ARHGAP6: variants seen among roughly 807,000 people sequenced by gnomAD.
ARHGAP6 encodes the protein Rho GTPase activating protein 6, also known as rho GTPase-activating protein 6.
A neutral mutation model predicts 55.7 loss-of-function variants in ARHGAP6; 16 were observed. The observed-to-expected ratio is 0.29, with a 90% CI of 0.19 to 0.44. The LOEUF (loss-of-function observed/expected upper bound fraction) is 0.44, where lower values mean the gene tolerates loss of function less well. ARHGAP6 is among the 20% of genes least tolerant of loss of function. ARHGAP6 has a pLI of 1.00. For synonymous variants in ARHGAP6, 382 were observed against 360.9 expected (o/e 1.06, Z -0.66); for missense variants, 698 against 808.9 (o/e 0.86, Z 1.66).
intron 1 of ARHGAP6, among the ~76,000 whole-genome samples, chrX:11,574,376 C>T (rs1425129004): frequency 1.8e-5 from 2 of 109,055 alleles, no homozygotes; most frequent in East Asian, 2.9e-4. Flanking sequence ...GCTTATCCAC[C>T]ATGATCAAGT....
chrX:11,498,393 C>T (rs1357438559), intron 1 of ARHGAP6, among the ~76,000 whole-genome samples: 3 of 112,000 alleles, frequency 2.7e-5, no homozygotes, highest in Non-Finnish European at 3.8e-5. Flanking sequence ...CTTTCACTTT[C>T]GTTAACTCCA....
chrX:11,448,262 T>C (rs142790449), intron 1 of ARHGAP6, among the ~76,000 whole-genome samples: 158 of 112,366 alleles, frequency 1.4e-3, no homozygotes, highest in Middle Eastern at 4.6e-3. Flanking sequence ...TCTTGACTTT[T>C]GTGCCTTCCT....
chrX:11,565,296 A>T (rs969302155), intron 1 of ARHGAP6, among the ~76,000 whole-genome samples: 2 of 112,260 alleles, frequency 1.8e-5, no homozygotes, highest in Non-Finnish European at 3.8e-5. Context: ...TGGAGGAACA[A>T]CATCCTCTTC....
At chrX:11,153,461 A>G (rs192065474) in intron 10 of ARHGAP6, among the ~76,000 whole-genome samples, 1,137 of 91,860 alleles carry the variant, frequency 0.012, 19 homozygotes, top group African/African-American at 0.044. Flanking sequence ...GGAGGTGGGG[A>G]TTGCAGTGAG....
intron 2 of ARHGAP6, among the ~76,000 whole-genome samples, chrX:11,223,715 A>G (rs73184322): frequency 0.058 from 6,503 of 111,660 alleles, 212 homozygotes; most frequent in Non-Finnish European, 0.094. Flanking sequence ...AAGTGGAGAG[A>G]GAGTTAAGTG....
In ARHGAP6 at chrX:11,664,590, G is replaced by C. The variant is rs771904554; in HGVS notation, c.239C>G (p.Ala80Gly). ...GGGGGGCGGACCCCGGGAAGAGGACGCCAAGCGAGGGCCGAGACTCTCGGC... is the reference window on the plus strand; with the variant it reads ...GGGGGGCGGACCCCGGGAAGAGGACCCCAAGCGAGGGCCGAGACTCTCGGC... ...LPAESLGPRL[A>G]SSSRGPPPRA... The change falls in exon 1 of 13, where the codon GCG becomes GGG. Residue 80 changes from alanine to glycine, a missense_variant. Ala to Gly is a moderately conservative substitution (Grantham distance 60). This residue lies in a region of ARHGAP6 where 164 missense variants were observed against 149.2 expected (regional missense o/e 1.10). Transcript: ENST00000337414. The C allele has an allele frequency of 1.7e-6, 2 of 1,176,576 alleles. No individual in the cohort carries two copies. The highest frequency in any genetic ancestry group is 3.5e-5 in the African/African-American group (2 of 56,812).
chrX:11,551,489 G>A (rs1360897602), intron 1 of ARHGAP6, among the ~76,000 whole-genome samples: 4 of 111,369 alleles, frequency 3.6e-5, no homozygotes, highest in African/African-American at 9.8e-5. Context: ...GAACACTTTT[G>A]TTGGTTTTAC....
chrX:11,307,765 G>A (rs1418420520), intron 1 of ARHGAP6, among the ~76,000 whole-genome samples: 2 of 112,017 alleles, frequency 1.8e-5, no homozygotes, highest in Non-Finnish European at 3.8e-5. Flanking sequence ...GGGATTTACT[G>A]CTTTTGTGGC....
chrX:11,507,819 T>C (rs1351555437), intron 1 of ARHGAP6, among the ~76,000 whole-genome samples: 2 of 112,135 alleles, frequency 1.8e-5, no homozygotes, highest in East Asian at 5.6e-4. Context: ...GACAAAATCC[T>C]AAAGCCCTTA....
chrX:11,510,612 T>A lies in ARHGAP6; in HGVS notation c.588+153629A>T, dbSNP rs147749109. Among the ~76,000 whole-genome samples the A allele has an allele frequency of 3.6e-3, 399 of 111,254 alleles. 2 individuals carry two copies. The highest frequency in any genetic ancestry group is 0.013 in the African/African-American group (385 of 30,632). Reference sequence around the variant, plus strand: ...TGGTAAGAATCCAAGGTCACATGGATCTAGAACCTGAATCAGAGTAAAAAA... The same window carrying A: ...TGGTAAGAATCCAAGGTCACATGGAACTAGAACCTGAATCAGAGTAAAAAA... On this transcript the variant is annotated intron_variant, in intron 1 of 12. Coordinates refer to ENST00000337414, the MANE Select transcript of ARHGAP6 (RefSeq NM_013427.3).
At chrX:11,514,517 C>A (rs768085753) in intron 1 of ARHGAP6, among the ~76,000 whole-genome samples, 1 of 110,099 alleles carries the variant, frequency 9.1e-6, no homozygotes, top group South Asian at 4.0e-4. Flanking sequence ...CCGTTCCCAA[C>A]ACCCTGCCAG....
At chrX:11,560,100 G>C (rs766454985) in intron 1 of ARHGAP6, among the ~76,000 whole-genome samples, 1 of 110,647 alleles carries the variant, frequency 9.0e-6, no homozygotes, top group South Asian at 3.9e-4. Context: ...TCAGAGAAGA[G>C]AGCACCCGAT....
In ARHGAP6 at chrX:11,178,249, C is replaced by T; in HGVS notation, c.1481-1G>A. ...CCCAGCTGTTCCTCCGGCTCCAACACTAAGCAAGGCAAAAAGAGGTACTCA... is the reference window on the plus strand; with the variant it reads ...CCCAGCTGTTCCTCCGGCTCCAACATTAAGCAAGGCAAAAAGAGGTACTCA... On this transcript the variant is annotated splice_acceptor_variant, in intron 7 of 12. Transcript: ENST00000337414. LOFTEE classifies it high-confidence loss of function. The T allele has an allele frequency of 8.3e-7, 1 of 1,199,702 alleles. No homozygotes were observed. The highest frequency in any genetic ancestry group is 1.1e-6 in the Non-Finnish European group (1 of 889,373).
chrX:11,361,540 C>T (rs750924826), intron 1 of ARHGAP6, among the ~76,000 whole-genome samples: 6,147 of 109,533 alleles, frequency 0.056, 205 homozygotes, highest in African/African-American at 0.12. Flanking sequence ...AGACCTAAAA[C>T]CATAAAAACC....
intron 1 of ARHGAP6, among the ~76,000 whole-genome samples, chrX:11,661,724 G>A (rs1167397064): frequency 8.9e-6 from 1 of 112,316 alleles, no homozygotes; most frequent in Non-Finnish European, 1.9e-5. Flanking sequence ...GGAATCAAAC[G>A]AAGGCGCCAA....
chrX:11,655,660 C>T (rs2052629706), intron 1 of ARHGAP6, among the ~76,000 whole-genome samples: 1 of 112,181 alleles, frequency 8.9e-6, no homozygotes, highest in African/African-American at 3.2e-5. Flanking sequence ...CCAGATAACA[C>T]AACTAATTTC....
intron 2 of ARHGAP6, among the ~76,000 whole-genome samples, chrX:11,203,572 G>C (rs752244133): frequency 1.3e-4 from 14 of 111,794 alleles, no homozygotes; most frequent in East Asian, 8.4e-4. Context: ...CTCTCAAGGA[G>C]AGCCTGTTAA....
In ARHGAP6 at chrX:11,664,640, GC is replaced by G; in HGVS notation, c.188del (p.Gly63AlafsTer149). 1 of 1,157,609 alleles carries G rather than the reference GC, an allele frequency of 8.6e-7. No homozygotes were observed. Among genetic ancestry groups the G allele is most frequent in the South Asian group, 2.0e-5 (1 of 50,935 alleles). ...AEGSARGATAGRLYSPSLPAE... is the reference protein window; with the variant it reads ...AEGSARGATAXRLYSPSLPAE... ...CTGGGAGTGATGGGGAGTAGAGGCG[GC>G]CCGCCGTGGCTCCCCGCGCACTGCC... On this transcript the variant is annotated frameshift_variant, in exon 1 of 13. Coordinates refer to ENST00000337414, the MANE Select transcript of ARHGAP6 (RefSeq NM_013427.3). LOFTEE classifies it high-confidence loss of function.
intron 1 of ARHGAP6, among the ~76,000 whole-genome samples, chrX:11,603,481 T>C (rs924061222): frequency 8.9e-6 from 1 of 111,922 alleles, no homozygotes; most frequent in Non-Finnish European, 1.9e-5. Context: ...TGGGTGTGTA[T>C]GTGCAGTGTT....
Sources: allele counts gnomAD v4.1 joint callset (sites outside exome capture counted in the v4.1 genomes callset), GRCh38; gene constraint gnomAD v4.1.1; regional missense constraint gnomAD v4.1.1; transcripts MANE v1.5; gene names NCBI Gene and HGNC (gene_info 2026-07-23, HGNC 2026-07-21).